TMEM47: variants seen among roughly 807,000 people sequenced by gnomAD.
The protein encoded by TMEM47 is brain cell membrane protein 1.
Under a neutral mutation model 12.4 loss-of-function variants are expected in TMEM47, and 3 were observed. The ratio of observed to expected loss-of-function variants is 0.24; its 90% CI spans 0.11 to 0.63. TMEM47 has a LOEUF of 0.63. Among genes scored for constraint, TMEM47 ranks in the 20% least tolerant of loss-of-function variants. TMEM47 has a pLI of 0.86. For synonymous variants in TMEM47, 62 were observed against 63.3 expected (o/e 0.98, Z 0.10); for missense variants, 89 against 143.8 (o/e 0.62, Z 1.95).
At chrX:34,653,587 C>T (rs756347024) in intron 1 of TMEM47, among the ~76,000 whole-genome samples, 3 of 111,706 alleles carry the variant, frequency 2.7e-5, no homozygotes, top group Admixed American at 9.5e-5. Context: ...AAATTTAGGG[C>T]ATCAGCATTC....
In TMEM47 at chrX:34,628,690, T is replaced by C. The variant is rs1477974965; in HGVS notation, c.*1623A>G. On this transcript the variant is annotated 3_prime_UTR_variant, in exon 3 of 3. Coordinates refer to ENST00000275954, the MANE Select transcript of TMEM47 (RefSeq NM_031442.4). ...ACAGATTTTGCAATACAGTAACATA[T>C]AGCTACTTTTAAAGTAATTTTTCTA... 1 of 111,283 alleles carries C rather than the reference T, an allele frequency of 9.0e-6. No homozygotes were observed. Among genetic ancestry groups the C allele is most frequent in the Non-Finnish European group, 1.9e-5 (1 of 52,967 alleles). 9.2% of individuals were successfully genotyped at this position (111,283 alleles called of 1,213,427 possible). A position where few individuals can be genotyped will look rare whatever the true frequency, so the allele number is the denominator to read the frequency against.
intron 2 of TMEM47, among the ~76,000 whole-genome samples, chrX:34,637,489 T>A (rs1352449425): frequency 1.8e-5 from 2 of 111,667 alleles, no homozygotes; most frequent in East Asian, 2.8e-4. Context: ...AATAAAAACA[T>A]AAATATATGA....
At chrX:34,632,966 G>C (rs748650804) in intron 2 of TMEM47, among the ~76,000 whole-genome samples, 123 of 107,484 alleles carry the variant, frequency 1.1e-3, no homozygotes, top group Non-Finnish European at 1.6e-3. Flanking sequence ...AAAAAAAAAA[G>C]GCACTTCTCC....
intron 1 of TMEM47, 117 bp downstream of exon 1, chrX:34,656,687 T>G (rs1601970708): frequency 6.6e-6 from 7 of 1,053,266 alleles, no homozygotes; most frequent in Admixed American, 3.6e-5. Flanking sequence ...CTGGACGGGG[T>G]GGGACGGGCC....
chrX:34,650,208 A>T (rs1354886428), intron 1 of TMEM47, among the ~76,000 whole-genome samples: 3 of 112,319 alleles, frequency 2.7e-5, no homozygotes, highest in African/African-American at 9.7e-5. Flanking sequence ...TGGATGATAA[A>T]TAATCTTACA....
intron 2 of TMEM47, among the ~76,000 whole-genome samples, chrX:34,635,295 C>T (rs1334937577): frequency 2.7e-5 from 3 of 112,164 alleles, no homozygotes; most frequent in Admixed American, 9.5e-5. Flanking sequence ...CCAGCTGCTT[C>T]GAGTGACAAC....
chrX:34,656,637 T>C (rs1165102356), intron 1 of TMEM47, among the ~76,000 whole-genome samples, 167 bp downstream of exon 1: 3 of 107,523 alleles, frequency 2.8e-5, no homozygotes, highest in East Asian at 3.0e-4. Flanking sequence ...GAGGGGTGGA[T>C]GCCAGGGAGG....
At chrX:34,640,370 A>C (rs1315691777) in intron 1 of TMEM47, among the ~76,000 whole-genome samples, 1 of 112,251 alleles carries the variant, frequency 8.9e-6, no homozygotes, top group African/African-American at 3.2e-5. Context: ...ATTGAAATGC[A>C]TTCATTTCTT....
chrX:34,653,212 AATG>A (rs1357813842), intron 1 of TMEM47, among the ~76,000 whole-genome samples: 1 of 111,960 alleles, frequency 8.9e-6, no homozygotes, highest in Non-Finnish European at 1.9e-5. Context: ...GTCAATTAGA[AATG>A]ATAATATTCA....
chrX:34,651,224 T>A (rs139937677), intron 1 of TMEM47, among the ~76,000 whole-genome samples: 4,570 of 111,943 alleles, frequency 0.041, 94 homozygotes, highest in Non-Finnish European at 0.064. Flanking sequence ...GTAGAAGACA[T>A]GTGTGATTTC....
chrX:34,649,536 T>C (rs1352814638), intron 1 of TMEM47, among the ~76,000 whole-genome samples: 1 of 110,010 alleles, frequency 9.1e-6, no homozygotes, highest in Non-Finnish European at 1.9e-5. Flanking sequence ...TAACAGACAC[T>C]GGGGTCTACT....
chrX:34,639,783 T>C (rs924308464), intron 1 of TMEM47, among the ~76,000 whole-genome samples: 2 of 111,632 alleles, frequency 1.8e-5, no homozygotes, highest in African/African-American at 6.5e-5. Flanking sequence ...TTATACACCA[T>C]CCAGATTAAA....
At chrX:34,647,476 T>C (rs1921934177) in intron 1 of TMEM47, among the ~76,000 whole-genome samples, 1 of 111,602 alleles carries the variant, frequency 9.0e-6, no homozygotes, top group Non-Finnish European at 1.9e-5. Flanking sequence ...ACAAAGGTGT[T>C]ATAGATATTT....
At chrX:34,643,699 C>T (rs1019740938) in intron 1 of TMEM47, among the ~76,000 whole-genome samples, 2 of 111,287 alleles carry the variant, frequency 1.8e-5, no homozygotes, top group Admixed American at 1.9e-4. Context: ...CAAACCAGAC[C>T]TGCAGAACAT....
At chrX:34,649,880 C>A (rs1921985555) in intron 1 of TMEM47, among the ~76,000 whole-genome samples, 1 of 110,341 alleles carries the variant, frequency 9.1e-6, no homozygotes, top group Non-Finnish European at 1.9e-5. Flanking sequence ...AGCCCGCAAC[C>A]ACGTCCAGCC....
chrX:34,649,908 G>A (rs765524751), intron 1 of TMEM47, among the ~76,000 whole-genome samples: 2 of 110,033 alleles, frequency 1.8e-5, no homozygotes, highest in South Asian at 8.0e-4. Context: ...TGTATTTTTA[G>A]TAGAGACAGG....
At chrX:34,655,206 G>T (rs1450682904) in intron 1 of TMEM47, among the ~76,000 whole-genome samples, 2 of 111,766 alleles carry the variant, frequency 1.8e-5, no homozygotes, top group Admixed American at 9.5e-5. Flanking sequence ...GCAATCAGGG[G>T]TCTATTATTT....
intron 2 of TMEM47, among the ~76,000 whole-genome samples, chrX:34,635,349 G>A (rs1222040319): frequency 9.0e-6 from 1 of 111,397 alleles, no homozygotes. Context: ...TCCCATTCCC[G>A]TCTCATTTTC....
In TMEM47 at chrX:34,657,268, G is replaced by T. The variant is rs376591899; in HGVS notation, c.-239C>A. On this transcript the variant is annotated 5_prime_UTR_variant, in exon 1 of 3. Coordinates refer to ENST00000275954, the MANE Select transcript of TMEM47 (RefSeq NM_031442.4). Reference sequence around the variant, plus strand: ...GATTCCACCCCGGACCTTCGCCGCCGGCCCCGCGCCGCGCTCTGCCAGCGC... The same window carrying T: ...GATTCCACCCCGGACCTTCGCCGCCTGCCCCGCGCCGCGCTCTGCCAGCGC... The T allele has an allele frequency of 9.7e-6, 3 of 308,384 alleles. No homozygotes were observed. The highest frequency in any genetic ancestry group is 7.5e-5 in the Admixed American group (1 of 13,288). The allele number at this position is 308,384 out of a possible 1,213,427, so 25.4% of individuals were successfully genotyped here. A position where few individuals can be genotyped will look rare whatever the true frequency, so the allele number is the denominator to read the frequency against.
Sources: gnomAD v4.1 joint callset for allele counts (sites outside exome capture counted in the v4.1 genomes callset) on GRCh38, gnomAD v4.1.1 for gene constraint, MANE v1.5 for transcripts, NCBI Gene and HGNC (gene_info 2026-07-23, HGNC 2026-07-21) for gene names.